The following ANK2 variants were observed in gnomAD, a reference collection of about 807,000 sequenced individuals.
The protein encoded by ANK2 is ankyrin-2.
A neutral mutation model predicts 360.5 loss-of-function variants in ANK2; 83 were observed. The observed-to-expected ratio is 0.23, with a 90% CI of 0.19 to 0.28. The LOEUF is 0.28. ANK2 is among the 10% of genes least tolerant of loss of function. ANK2 has a pLI of 1.00. For synonymous variants in ANK2, 1,740 were observed against 1,759.5 expected, an observed-to-expected ratio of 0.99 and a Z score of 0.28; for missense variants, 4,201 against 4,795.7, an observed-to-expected ratio of 0.88 and a Z score of 3.66.
chr4:113,124,069 T>TTG, intron 1 of ANK2, among the ~76,000 whole-genome samples: 1 of 152,160 alleles, frequency 6.6e-6, no homozygotes, highest in East Asian at 1.9e-4. Context: ...GGAAATAAGG[T>TTG]TGTGTGTAAA....
At chr4:113,372,717 C>A in intron 43 of ANK2, 2 of 897,576 alleles carry the variant, frequency 2.2e-6, no homozygotes, top group Non-Finnish European at 3.5e-6. Context: ...TTGGCATGTT[C>A]CTTAGGTAGT....
At chr4:112,890,411 C>T (rs2079601521) in intron 1 of ANK2, among the ~76,000 whole-genome samples, 1 of 152,098 alleles carries the variant, frequency 6.6e-6, no homozygotes, top group African/African-American at 2.4e-5. Flanking sequence ...AGGCCACCTA[C>T]AACGATCAGA....
chr4:112,720,497 C>T, the ANK2 span, among the ~76,000 whole-genome samples: 9 of 152,192 alleles, frequency 5.9e-5, no homozygotes, highest in African/African-American at 1.7e-4. Flanking sequence ...TGGTCTCACT[C>T]TCTGCAGTCT....
intron 1 of ANK2, among the ~76,000 whole-genome samples, chr4:113,051,843 T>C (rs1437710054): frequency 6.6e-6 from 1 of 152,204 alleles, no homozygotes. Context: ...TTAGAAATAA[T>C]GTATATATGA....
intron 10 of ANK2, among the ~76,000 whole-genome samples, chr4:113,254,164 C>A (rs190664188): frequency 6.6e-6 from 1 of 152,188 alleles, no homozygotes; most frequent in Non-Finnish European, 1.5e-5. Flanking sequence ...TACACAAACT[C>A]CCTAGGCCAT....
rs1054193432 is a variant in ANK2, at chr4:113,336,487, G to A, written c.3592-90G>A. ...TATTTGTAAGATAAAAAATACTTTG[G>A]GGAAGAAATTTGAAATTAAGTATAA... On this transcript the variant is annotated intron_variant, in intron 30 of 45. Transcript: ENST00000357077. 3.4e-5 allele frequency: 42 copies of A among 1,239,866 alleles called. 1 individual carries two copies. In the East Asian group the frequency reaches 1.0e-3, roughly 29 times the overall value. The allele number at this position is 1,239,866 out of a possible 1,614,324, so 76.8% of individuals were successfully genotyped here.
chr4:113,378,675 A>G (rs2097053304), intron 45 of ANK2, among the ~76,000 whole-genome samples: 1 of 152,252 alleles, frequency 6.6e-6, no homozygotes, highest in Non-Finnish European at 1.5e-5. Flanking sequence ...GATATCCATG[A>G]AACAAATATA....
At chr4:113,160,381 G>A (rs2097484383) in intron 1 of ANK2, 2 of 413,968 alleles carry the variant, frequency 4.8e-6, no homozygotes, top group South Asian at 3.5e-5. Context: ...AGGAAACTTT[G>A]AAAAACAAAT....
At chr4:112,728,121 C>T in the ANK2 span, among the ~76,000 whole-genome samples, 2 of 150,706 alleles carry the variant, frequency 1.3e-5, no homozygotes, top group Admixed American at 6.6e-5. Context: ...GGTGAAACCC[C>T]GTCTCTACTA....
intron 1 of ANK2, among the ~76,000 whole-genome samples, chr4:113,076,485 A>G (rs1212256668): frequency 1.3e-5 from 2 of 152,222 alleles, no homozygotes; most frequent in Admixed American, 6.5e-5. Flanking sequence ...TATCCATTGT[A>G]GGATTTCATA....
intron 1 of ANK2, among the ~76,000 whole-genome samples, chr4:112,838,525 T>G (rs1190421219): frequency 1.3e-5 from 2 of 152,206 alleles, no homozygotes; most frequent in Non-Finnish European, 2.9e-5. Context: ...TTCTCTCTCT[T>G]GGACTTCCTA....
At chr4:113,071,370 G>T (rs1023832701) in intron 1 of ANK2, among the ~76,000 whole-genome samples, 1 of 152,176 alleles carries the variant, frequency 6.6e-6, no homozygotes, top group Non-Finnish European at 1.5e-5. Context: ...GTTAGAGAGT[G>T]CTACAGAAAT....
chr4:113,092,314 A>G (rs7682781), intron 1 of ANK2, among the ~76,000 whole-genome samples: 101,299 of 152,022 alleles, frequency 0.67, 33,867 homozygotes, highest in South Asian at 0.72. Flanking sequence ...TTCTGACTTC[A>G]AGGACTGAAC....
the ANK2 span, among the ~76,000 whole-genome samples, chr4:112,727,921 G>A: frequency 6.6e-6 from 1 of 152,166 alleles, no homozygotes; most frequent in Non-Finnish European, 1.5e-5. Context: ...ACGTTGCGGT[G>A]AGCCGAGATC....
chr4:112,801,961 ATT>A, the ANK2 span, among the ~76,000 whole-genome samples: 198 of 149,598 alleles, frequency 1.3e-3, 2 homozygotes, highest in Non-Finnish European at 1.7e-3. Flanking sequence ...ACCATTCATG[ATT>A]TTTTTTTTTT....
rs761162007 is a variant in ANK2, at chr4:113,353,966, G to A, written c.5348G>A (p.Gly1783Asp). 2 of 1,614,014 alleles carry A rather than the reference G, an allele frequency of 1.2e-6. No individual in the cohort carries two copies. Among genetic ancestry groups the A allele is most frequent in the South Asian group, 1.1e-5 (1 of 91,074 alleles). Residue 1783 changes from glycine to aspartate, a missense_variant, in exon 38 of 46, where the codon GGT becomes GAT. By Grantham distance (94) the Gly-to-Asp change is moderately conservative. Around this residue, in one of 4 missense-constraint regions of ANK2, gnomAD observed 2,642 missense variants for 2,714.5 expected, o/e 0.97. Coordinates refer to ENST00000357077, the MANE Select transcript of ANK2 (RefSeq NM_001148.6). ...LQKRVEDEQK[G>D]RSKLPIRVKG... ...AAGCGAGTGGAAGATGAACAGAAAG[G>A]TCGAAGCAAGTTGCCCATCAGAGTC... is the stretch of plus-strand genomic sequence containing the variant.
the ANK2 span, among the ~76,000 whole-genome samples, chr4:112,799,799 T>C: frequency 6.7e-5 from 10 of 149,338 alleles, no homozygotes; most frequent in Non-Finnish European, 1.2e-4. Flanking sequence ...ATTACAGGAG[T>C]GAGCCACCGC....
intron 21 of ANK2, 84 bp downstream of exon 21, chr4:113,292,598 G>C: frequency 1.5e-6 from 2 of 1,334,746 alleles, no homozygotes; most frequent in Non-Finnish European, 2.1e-6. Context: ...GCTGAGTGAG[G>C]TCAGATTCCT....
intron 2 of ANK2, among the ~76,000 whole-genome samples, chr4:112,998,281 C>A (rs2049359639): frequency 6.6e-6 from 1 of 151,880 alleles, no homozygotes; most frequent in Non-Finnish European, 1.5e-5. Context: ...GCAATTTTCC[C>A]CTCACCCACT....
Sources: allele counts gnomAD v4.1 joint callset (sites outside exome capture counted in the v4.1 genomes callset), GRCh38; gene constraint gnomAD v4.1.1; regional missense constraint gnomAD v4.1.1; transcripts MANE v1.5; gene names NCBI Gene and HGNC (gene_info 2026-07-23, HGNC 2026-07-21).